Variants in TOP3A observed in about 807,000 individuals in gnomAD.
TOP3A encodes DNA topoisomerase III alpha.
Under a neutral mutation model 111.3 loss-of-function variants are expected in TOP3A, and 64 were observed. That is an observed-to-expected ratio of 0.57 (90% CI 0.47 to 0.71). The LOEUF (loss-of-function observed/expected upper bound fraction) is 0.71, where lower values mean the gene tolerates loss of function less well. Ranked by LOEUF, TOP3A falls within the 30% of genes least tolerant of loss-of-function variation. The pLI, the probability that TOP3A is intolerant of heterozygous loss-of-function variation, is 0.00. For missense variants in TOP3A, 1,104 were observed against 1,285.0 expected, an observed-to-expected ratio of 0.86 and a Z score of 2.15; for synonymous variants, 484 against 485.1, an observed-to-expected ratio of 1.00 and a Z score of 0.03.
intron 1 of TOP3A, 60 bp downstream of exon 1, chr17:18,314,539 G>C (rs1982126746): frequency 1.3e-6 from 2 of 1,533,190 alleles, no homozygotes; most frequent in Non-Finnish European, 1.8e-6. Flanking sequence ...CGCCCACCAC[G>C]CTGTCCCGCT....
chr17:18,305,181 C>A lies in TOP3A; in HGVS notation c.430G>T (p.Val144Leu), dbSNP rs1406126659. The change falls in exon 5 of 19, where the codon GTG becomes TTG. Residue 144 changes from valine to leucine, a missense_variant. Physicochemically the swap from Val to Leu is conservative, Grantham distance 32. Transcript: ENST00000321105. ...ERETRQCQAL[V>L]IWTDCDREGE... ...TCTCTATCACAGTCAGTCCAGATCA[C>A]CAGAGCCTGGCACTGGCGAGTCTCT... 1 of 1,614,174 alleles carries A rather than the reference C, an allele frequency of 6.2e-7. No homozygotes were observed. Among genetic ancestry groups the A allele is most frequent in the Admixed American group, 1.7e-5 (1 of 60,020 alleles).
intron 13 of TOP3A, among the ~76,000 whole-genome samples, chr17:18,288,792 A>G (rs1435492474): frequency 2.6e-5 from 4 of 151,830 alleles, no homozygotes; most frequent in Non-Finnish European, 4.4e-5. Context: ...TTCCCTGCCT[A>G]CTCCCTGCAG....
chr17:18,292,838 G>A lies in TOP3A; in HGVS notation c.1088C>T (p.Pro363Leu), dbSNP rs1238597172. 6.2e-7 allele frequency: 1 copy of A among 1,612,736 alleles called. No individual in the cohort carries two copies. Among genetic ancestry groups the A allele is most frequent in the African/African-American group, 1.3e-5 (1 of 74,876 alleles). Reference sequence around the variant, plus strand: ...GGGAAAAATGTTTGTTTCTGTTCGGGGATAGCTGATGTACCTAAAACCAAG... The same window carrying A: ...GGGAAAAATGTTTGTTTCTGTTCGGAGATAGCTGATGTACCTAAAACCAAG... ...KLYTQGYISYPRTETNIFPRD... is the reference protein window; with the variant it reads ...KLYTQGYISYLRTETNIFPRD... The change falls in exon 11 of 19, where the codon CCC (proline) becomes CTC (leucine). Residue 363 changes from proline to leucine, a missense_variant. Coordinates refer to ENST00000321105, the MANE Select transcript of TOP3A (RefSeq NM_004618.5).
intron 12 of TOP3A, 49 bp from the exon 13 acceptor site, chr17:18,290,735 C>T (rs777943953): frequency 4.4e-6 from 7 of 1,574,206 alleles, no homozygotes; most frequent in African/African-American, 2.7e-5. Context: ...TCAGCACACT[C>T]AGGCAAAAAA....
chr17:18,308,390 T>C lies in TOP3A; in HGVS notation c.275A>G (p.His92Arg), dbSNP rs751782389. Residue 92 changes from histidine to arginine, a missense_variant, in exon 3 of 19, where the codon CAT becomes CGT. Transcript: ENST00000321105. ...VTMVMTSVSG[H>R]LLAHDFQMQF... ...CATCTGGAAATCATGAGCCAGTAAA[T>C]GTCCAGAAACTGAAGTCATTACCAT... The C allele has an allele frequency of 6.2e-7, 1 of 1,606,438 alleles. No homozygotes were observed. The highest frequency in any genetic ancestry group is 1.7e-5 in the Admixed American group (1 of 59,474).
chr17:18,284,192 T>A (rs1056438825), intron 15 of TOP3A, among the ~76,000 whole-genome samples: 1 of 150,892 alleles, frequency 6.6e-6, no homozygotes, highest in African/African-American at 2.4e-5. Flanking sequence ...TTTTTTTTTT[T>A]AGCAGAGAAA....
intron 18 of TOP3A, among the ~76,000 whole-genome samples, chr17:18,276,836 CTG>C (rs1464127029): frequency 1.3e-5 from 2 of 152,180 alleles, no homozygotes; most frequent in African/African-American, 2.4e-5. Flanking sequence ...TTGGCCCAAG[CTG>C]TGTCACCCTG....
intron 13 of TOP3A, among the ~76,000 whole-genome samples, chr17:18,288,590 C>G (rs1980272569): frequency 6.6e-6 from 1 of 152,218 alleles, no homozygotes; most frequent in African/African-American, 2.4e-5. Flanking sequence ...CCTGCAAAGT[C>G]AGGCTTGGAT....
chr17:18,309,428 A>G (rs1401347206), intron 1 of TOP3A, among the ~76,000 whole-genome samples: 1 of 152,134 alleles, frequency 6.6e-6, no homozygotes, highest in East Asian at 1.9e-4. Flanking sequence ...GGATCACTTT[A>G]GGTCAGGAGT....
chr17:18,298,125 G>A (rs1248686556), intron 9 of TOP3A, among the ~76,000 whole-genome samples: 1 of 149,186 alleles, frequency 6.7e-6, no homozygotes, highest in Admixed American at 6.6e-5. Context: ...CCGTCTGAGA[G>A]GTGAGGAGAC....
intron 1 of TOP3A, chr17:18,312,129 G>A (rs1256633702): frequency 2.6e-5 from 4 of 152,340 alleles, no homozygotes; most frequent in African/African-American, 7.2e-5. Context: ...TGCCACCTGG[G>A]ATTGACCAGT....
At chr17:18,288,318 AT>A (rs1171093681) in intron 13 of TOP3A, among the ~76,000 whole-genome samples, 1 of 151,384 alleles carries the variant, frequency 6.6e-6, no homozygotes, top group Non-Finnish European at 1.5e-5. Context: ...ACACCTAGCA[AT>A]TTTTTGTATT....
At chr17:18,291,519 T>G (rs887006132) in intron 11 of TOP3A, among the ~76,000 whole-genome samples, 24 of 152,194 alleles carry the variant, frequency 1.6e-4, no homozygotes, top group African/African-American at 5.8e-4. Context: ...CTTCTAAGGA[T>G]TTCTTCAAAG....
At chr17:18,297,771 T>C (rs1980922219) in intron 9 of TOP3A, among the ~76,000 whole-genome samples, 1 of 152,000 alleles carries the variant, frequency 6.6e-6, no homozygotes, top group Admixed American at 6.5e-5. Flanking sequence ...CTCGGCTCGC[T>C]ACAACCTTCA....
intron 9 of TOP3A, among the ~76,000 whole-genome samples, chr17:18,299,224 G>C (rs1406750281): frequency 6.6e-6 from 1 of 152,124 alleles, no homozygotes; most frequent in Non-Finnish European, 1.5e-5. Flanking sequence ...CCAGAAGCTT[G>C]AGACTAGCCT....
intron 10 of TOP3A, among the ~76,000 whole-genome samples, chr17:18,293,249 C>A (rs1980590361): frequency 6.6e-6 from 1 of 152,228 alleles, no homozygotes; most frequent in Non-Finnish European, 1.5e-5. Flanking sequence ...ACACAAAGAA[C>A]AATGCTGTCC....
At chr17:18,307,176 C>G in intron 3 of TOP3A, 1 of 438,022 alleles carries the variant, frequency 2.3e-6, no homozygotes, top group Non-Finnish European at 4.1e-6. Flanking sequence ...TTCTGGAGCC[C>G]TTTCACAGGT....
intron 8 of TOP3A, among the ~76,000 whole-genome samples, chr17:18,301,659 C>T (rs113950392): frequency 6.6e-6 from 1 of 152,204 alleles, no homozygotes; most frequent in Non-Finnish European, 1.5e-5. Flanking sequence ...TTCAACTATA[C>T]GTTTCCCAAA....
At chr17:18,297,010 C>T (rs1057130063) in intron 9 of TOP3A, among the ~76,000 whole-genome samples, 3 of 152,082 alleles carry the variant, frequency 2.0e-5, no homozygotes, top group Non-Finnish European at 4.4e-5. Context: ...TAAAAATATG[C>T]ATATTAAAAA....
Sources: allele counts gnomAD v4.1 joint callset (sites outside exome capture counted in the v4.1 genomes callset), GRCh38; gene constraint gnomAD v4.1.1; transcripts MANE v1.5; gene names NCBI Gene and HGNC (gene_info 2026-07-23, HGNC 2026-07-21).